ADAMTS6: variants seen among roughly 807,000 people sequenced by gnomAD.
ADAMTS6 encodes ADAM metallopeptidase with thrombospondin type 1 motif 6.
A neutral mutation model predicts 144.3 loss-of-function variants in ADAMTS6; 23 were observed. The ratio of observed to expected loss-of-function variants is 0.16; its 90% CI spans 0.11 to 0.23. ADAMTS6 has a LOEUF of 0.23. ADAMTS6 is among the 10% of genes least tolerant of loss of function. ADAMTS6 has a pLI of 1.00. For synonymous variants in ADAMTS6, 444 were observed against 457.5 expected, an observed-to-expected ratio of 0.97 and a Z score of 0.38; for missense variants, 999 against 1,379.6, an observed-to-expected ratio of 0.72 and a Z score of 4.37.
chr5:65,331,688 C>T (rs1746727777), intron 8 of ADAMTS6, among the ~76,000 whole-genome samples: 1 of 151,854 alleles, frequency 6.6e-6, no homozygotes. Context: ...CCTACTTAGC[C>T]ATGTTACAAT....
chr5:65,281,046 T>G (rs1010602230), intron 11 of ADAMTS6, among the ~76,000 whole-genome samples: 1 of 152,148 alleles, frequency 6.6e-6, no homozygotes, highest in African/African-American at 2.4e-5. Context: ...GGAACTAATT[T>G]TTTTTCAGGG....
At position 65,151,727 on chromosome 5, in the gene ADAMTS6, C is replaced by G. The variant is rs778146720; in HGVS notation, c.*109G>C. 11 of 921,552 alleles carry G rather than the reference C, an allele frequency of 1.2e-5. No homozygotes were observed. Among genetic ancestry groups the G allele is most frequent in the Non-Finnish European group, 1.8e-5 (11 of 595,850 alleles). 57.1% of individuals were successfully genotyped at this position (921,552 alleles called of 1,614,324 possible). On this transcript the variant is annotated 3_prime_UTR_variant, in exon 25 of 25. Transcript: ENST00000381055. ...GGCTGACCAGTGGTTACGTTTTCCACAGGGTAATGCATTTGCAAGGACATC... is the reference window on the plus strand; with the variant it reads ...GGCTGACCAGTGGTTACGTTTTCCAGAGGGTAATGCATTTGCAAGGACATC...
intron 7 of ADAMTS6, among the ~76,000 whole-genome samples, chr5:65,382,837 T>C (rs541338733): frequency 6.6e-6 from 1 of 152,358 alleles, no homozygotes; most frequent in East Asian, 1.9e-4. Flanking sequence ...CAGTCTGCTA[T>C]AACAAAATAC....
chr5:65,454,586 T>C (rs1759039133), intron 4 of ADAMTS6, among the ~76,000 whole-genome samples: 1 of 152,204 alleles, frequency 6.6e-6, no homozygotes, highest in South Asian at 2.1e-4. Context: ...CTGTGACTTG[T>C]TTCTAACTAA....
intron 4 of ADAMTS6, among the ~76,000 whole-genome samples, chr5:65,456,156 C>T (rs1450257426): frequency 6.6e-6 from 1 of 151,766 alleles, no homozygotes; most frequent in African/African-American, 2.4e-5. Flanking sequence ...TCTATAATTG[C>T]CAATTGACTT....
intron 7 of ADAMTS6, among the ~76,000 whole-genome samples, chr5:65,364,994 C>T (rs952952862): frequency 6.6e-6 from 1 of 152,112 alleles, no homozygotes; most frequent in Non-Finnish European, 1.5e-5. Flanking sequence ...CCACTTATTT[C>T]TTTCCTTTTA....
At chr5:65,240,535 C>A (rs926977247) in intron 15 of ADAMTS6, among the ~76,000 whole-genome samples, 2 of 151,976 alleles carry the variant, frequency 1.3e-5, no homozygotes, top group Non-Finnish European at 2.9e-5. Flanking sequence ...GAAGATGAGG[C>A]CTTTGGAAGG....
chr5:65,386,779 G>A (rs1030816219), intron 7 of ADAMTS6, among the ~76,000 whole-genome samples: 1 of 152,050 alleles, frequency 6.6e-6, no homozygotes. Flanking sequence ...TAGAGACAGG[G>A]TTTCACCATG....
At chr5:65,416,509 T>C (rs1346090294) in intron 7 of ADAMTS6, among the ~76,000 whole-genome samples, 1 of 152,154 alleles carries the variant, frequency 6.6e-6, no homozygotes, top group Non-Finnish European at 1.5e-5. Context: ...AGCAGCATTA[T>C]TCATAATGGC....
intron 3 of ADAMTS6, among the ~76,000 whole-genome samples, chr5:65,465,068 A>C (rs1284577822): frequency 6.6e-6 from 1 of 152,218 alleles, no homozygotes; most frequent in East Asian, 1.9e-4. Flanking sequence ...ATTTAGCCAG[A>C]GAAAAATACA....
At chr5:65,286,979 C>T (rs1452044954) in intron 11 of ADAMTS6, among the ~76,000 whole-genome samples, 2 of 152,302 alleles carry the variant, frequency 1.3e-5, no homozygotes, top group Non-Finnish European at 2.9e-5. Flanking sequence ...GAGCTTATTA[C>T]TCTAAAAAGC....
At chr5:65,459,125 C>T (rs1245405439) in intron 4 of ADAMTS6, among the ~76,000 whole-genome samples, 1 of 151,710 alleles carries the variant, frequency 6.6e-6, no homozygotes, top group Non-Finnish European at 1.5e-5. Context: ...TATCCTCCCG[C>T]CTCTTGCCTC....
chr5:65,220,165 A>G (rs906432601), intron 18 of ADAMTS6, among the ~76,000 whole-genome samples: 1 of 152,184 alleles, frequency 6.6e-6, no homozygotes, highest in African/African-American at 2.4e-5. Context: ...CCAAAATACA[A>G]TTAAACTAGA....
intron 10 of ADAMTS6, among the ~76,000 whole-genome samples, chr5:65,297,711 G>A (rs1360604534): frequency 6.6e-6 from 1 of 152,148 alleles, no homozygotes; most frequent in Non-Finnish European, 1.5e-5. Flanking sequence ...ATGTCTTTGT[G>A]CTCCGGTGAA....
At chr5:65,305,664 T>G (rs970489034) in intron 9 of ADAMTS6, among the ~76,000 whole-genome samples, 14 of 152,344 alleles carry the variant, frequency 9.2e-5, no homozygotes, top group African/African-American at 3.4e-4. Flanking sequence ...CAGTTTTATG[T>G]GTTTAGTAAA....
chr5:65,381,263 C>T (rs143941244), intron 7 of ADAMTS6, among the ~76,000 whole-genome samples: 2 of 152,072 alleles, frequency 1.3e-5, no homozygotes, highest in African/African-American at 4.8e-5. Context: ...AATGTGCTAG[C>T]TTTATTGTGA....
chr5:65,227,503 C>T (rs776184146), intron 15 of ADAMTS6, among the ~76,000 whole-genome samples: 8 of 152,072 alleles, frequency 5.3e-5, no homozygotes, highest in Non-Finnish European at 1.0e-4. Flanking sequence ...TCTAATTATG[C>T]TGCTAAAACT....
At chr5:65,375,893 A>G (rs1320002076) in intron 7 of ADAMTS6, among the ~76,000 whole-genome samples, 1 of 152,232 alleles carries the variant, frequency 6.6e-6, no homozygotes, top group Non-Finnish European at 1.5e-5. Flanking sequence ...TGGATTAAGA[A>G]AATGTGGCAC....
At chr5:65,369,281 G>A (rs1750610509) in intron 7 of ADAMTS6, among the ~76,000 whole-genome samples, 1 of 152,074 alleles carries the variant, frequency 6.6e-6, no homozygotes, top group Non-Finnish European at 1.5e-5. Flanking sequence ...AATTGGGTAA[G>A]TTTATAGCCC....
Sources: gnomAD v4.1 joint callset for allele counts (sites outside exome capture counted in the v4.1 genomes callset) on GRCh38, gnomAD v4.1.1 for gene constraint, MANE v1.5 for transcripts, NCBI Gene and HGNC (gene_info 2026-07-23, HGNC 2026-07-21) for gene names.